PPP6R3: variants seen among roughly 807,000 people sequenced by gnomAD.
PPP6R3 encodes protein phosphatase 6 regulatory subunit 3.
A neutral mutation model predicts 110.7 loss-of-function variants in PPP6R3; 38 were observed. That is an observed-to-expected ratio of 0.34 (90% CI 0.26 to 0.45). The LOEUF (loss-of-function observed/expected upper bound fraction) is 0.45. PPP6R3 is among the 20% of genes least tolerant of loss of function. The pLI is 1.00. For synonymous variants in PPP6R3, 369 were observed against 373.5 expected (o/e 0.99, Z 0.14); for missense variants, 870 against 1,062.4 (o/e 0.82, Z 2.52).
intron 1 of PPP6R3, among the ~76,000 whole-genome samples, chr11:68,479,095 C>CATGAATTT (rs1254762588): frequency 1.3e-5 from 2 of 152,188 alleles, no homozygotes; most frequent in African/African-American, 4.8e-5. Context: ...TTGTTCCTGA[C>CATGAATTT]ATGAATTTAT....
At chr11:68,603,087 C>G (rs987714348) in intron 21 of PPP6R3, among the ~76,000 whole-genome samples, 13 of 151,994 alleles carry the variant, frequency 8.6e-5, no homozygotes, top group African/African-American at 3.1e-4. Flanking sequence ...TGGAGGTGGA[C>G]GCTGAGCTGG....
intron 15 of PPP6R3, among the ~76,000 whole-genome samples, chr11:68,585,820 A>G (rs576472008): frequency 1.3e-5 from 2 of 152,306 alleles, no homozygotes; most frequent in East Asian, 3.9e-4. Flanking sequence ...ATATCTGTAT[A>G]TGTATTCTGT....
In PPP6R3 at chr11:68,613,919, C is replaced by CTTTTG. The variant is rs1944646752; in HGVS notation, c.*807_*811dup. The CTTTTG allele has an allele frequency of 1.1e-6, 1 of 912,580 alleles. No homozygotes were observed. The highest frequency in any genetic ancestry group is 2.2e-5 in the African/African-American group (1 of 45,256). 56.5% of individuals were successfully genotyped at this position (912,580 alleles called of 1,614,324 possible). ...TGGGATTTTTTTTTTTTTTTTTTGG[C>CTTTTG]TTTTGTTTTTGTTTGTTTTTTTGTT... On this transcript the variant is annotated 3_prime_UTR_variant, in exon 24 of 24. Coordinates refer to ENST00000393800, the MANE Select transcript of PPP6R3 (RefSeq NM_001164161.2).
intron 1 of PPP6R3, among the ~76,000 whole-genome samples, chr11:68,475,542 T>G (rs2098823033): frequency 7.8e-6 from 1 of 128,276 alleles, no homozygotes; most frequent in Non-Finnish European, 1.7e-5. Context: ...GGGCGGGGGC[T>G]GGCCCCCCAC....
At chr11:68,610,572 G>A (rs1594164354) in intron 23 of PPP6R3, among the ~76,000 whole-genome samples, 1 of 152,188 alleles carries the variant, frequency 6.6e-6, no homozygotes, top group East Asian at 1.9e-4. Context: ...GACTTAGAAT[G>A]TGATGTTTTG....
chr11:68,594,492 A>AT (rs1021961228), intron 18 of PPP6R3, among the ~76,000 whole-genome samples: 57 of 152,232 alleles, frequency 3.7e-4, no homozygotes, highest in African/African-American at 1.3e-3. Flanking sequence ...CCCCATCTCT[A>AT]TTTTTTTAAA....
chr11:68,564,444 A>T lies in PPP6R3; in HGVS notation c.975+12A>T, dbSNP rs748920401. 5.6e-6 allele frequency: 9 copies of T among 1,613,406 alleles called. No individual in the cohort carries two copies. The highest frequency in any genetic ancestry group is 1.7e-5 in the Admixed American group (1 of 59,964). On this transcript the variant is annotated intron_variant, in intron 9 of 23. Transcript: ENST00000393800. ...TGGAGCCACCCAAGGTAGGGGAGCT[A>T]TGTTAAGCATGGCTGCCCAGCGAGT... is the stretch of plus-strand genomic sequence containing the variant.
chr11:68,565,335 C>T (rs1406281104), intron 9 of PPP6R3, among the ~76,000 whole-genome samples: 1 of 151,794 alleles, frequency 6.6e-6, no homozygotes, highest in African/African-American at 2.4e-5. Flanking sequence ...CATCACTGTG[C>T]TCACAGTTTG....
intron 1 of PPP6R3, among the ~76,000 whole-genome samples, chr11:68,513,309 A>G (rs1030812603): frequency 6.6e-6 from 1 of 152,154 alleles, no homozygotes; most frequent in Non-Finnish European, 1.5e-5. Flanking sequence ...CAAATCTGGT[A>G]TTGGGGAAGT....
chr11:68,613,899 T>TG lies in PPP6R3; in HGVS notation c.*782_*783insG, dbSNP rs1944636340. ...AGTGTATATGGCTTGTGTTTTGGGA[T>TG]TTTTTTTTTTTTTTTTTGGCTTTTG... On this transcript the variant is annotated 3_prime_UTR_variant, in exon 24 of 24. Transcript: ENST00000393800. The TG allele has an allele frequency of 9.5e-5, 6 of 63,104 alleles. No individual in the cohort carries two copies. The highest frequency in any genetic ancestry group is 1.6e-4 in the Non-Finnish European group (6 of 36,920). 3.9% of individuals were successfully genotyped at this position (63,104 alleles called of 1,614,324 possible). A position where few individuals can be genotyped will look rare whatever the true frequency, so the allele number is the denominator to read the frequency against.
At chr11:68,526,463 T>C (rs1013664860) in intron 2 of PPP6R3, among the ~76,000 whole-genome samples, 2 of 152,068 alleles carry the variant, frequency 1.3e-5, no homozygotes, top group African/African-American at 4.8e-5. Context: ...AGGCTGATCT[T>C]GAACTCCTGG....
chr11:68,516,479 T>C (rs1245260788), intron 1 of PPP6R3, among the ~76,000 whole-genome samples: 1 of 152,252 alleles, frequency 6.6e-6, no homozygotes, highest in African/African-American at 2.4e-5. Flanking sequence ...TATCTCATTA[T>C]GTATATGCAG....
chr11:68,555,048 GACAGGCAGGGAATACATT>G (rs1210947808), intron 7 of PPP6R3, among the ~76,000 whole-genome samples: 1 of 152,156 alleles, frequency 6.6e-6, no homozygotes, highest in Non-Finnish European at 1.5e-5. Flanking sequence ...ACATATGTAA[GACAGGCAGGGAATACATT>G]ACAGACAAGT....
chr11:68,463,223 G>A (rs112947629), intron 1 of PPP6R3, among the ~76,000 whole-genome samples: 1 of 151,900 alleles, frequency 6.6e-6, no homozygotes, highest in Non-Finnish European at 1.5e-5. Flanking sequence ...ACAAAAATTA[G>A]TCGGTCATGG....
chr11:68,556,550 C>CA (rs2099400270), intron 7 of PPP6R3, among the ~76,000 whole-genome samples: 2 of 111,900 alleles, frequency 1.8e-5, no homozygotes, highest in Admixed American at 8.8e-5. Context: ...AAAAAAAAAA[C>CA]GAAAAAAAAA....
At chr11:68,472,734 C>T (rs1042930468) in intron 1 of PPP6R3, among the ~76,000 whole-genome samples, 1 of 152,048 alleles carries the variant, frequency 6.6e-6, no homozygotes. Context: ...GCAGTTATCA[C>T]CACAATCTAA....
intron 1 of PPP6R3, among the ~76,000 whole-genome samples, chr11:68,506,617 C>T (rs1023396709): frequency 1.1e-4 from 16 of 151,924 alleles, no homozygotes; most frequent in African/African-American, 3.9e-4. Flanking sequence ...TTTTGAAATG[C>T]ACAGTGGGAT....
At chr11:68,490,161 T>C (rs1259716195) in intron 1 of PPP6R3, among the ~76,000 whole-genome samples, 2 of 152,194 alleles carry the variant, frequency 1.3e-5, no homozygotes, top group Non-Finnish European at 2.9e-5. Context: ...CCCTCAATTT[T>C]GTTTGTCTCT....
chr11:68,584,468 T>C (rs369034965), intron 15 of PPP6R3, among the ~76,000 whole-genome samples: 2 of 152,308 alleles, frequency 1.3e-5, no homozygotes, highest in South Asian at 2.1e-4. Flanking sequence ...CTTGATGATA[T>C]CAAATGTAAA....
Sources: allele counts gnomAD v4.1 joint callset (sites outside exome capture counted in the v4.1 genomes callset), GRCh38; gene constraint gnomAD v4.1.1; transcripts MANE v1.5; gene names NCBI Gene and HGNC (gene_info 2026-07-23, HGNC 2026-07-21).